The following MGMT variants were observed in gnomAD, a reference collection of about 807,000 sequenced individuals.
MGMT encodes the protein methylated-DNA--protein-cysteine methyltransferase.
In MGMT, 14 loss-of-function variants were observed where a neutral mutation model predicts 15.9. That is an observed-to-expected ratio of 0.88 (90% confidence interval 0.58 to 1.37). The LOEUF (loss-of-function observed/expected upper bound fraction) is 1.37, where lower values mean the gene tolerates loss of function less well. MGMT is among the 40% of genes most tolerant of loss of function. The pLI is 0.00. For synonymous variants in MGMT, 130 were observed against 118.2 expected (o/e 1.10, Z -0.65); for missense variants, 282 against 268.1 (o/e 1.05, Z -0.36).
intron 3 of MGMT, among the ~76,000 whole-genome samples, chr10:129,727,444 G>A (rs944047105): frequency 6.6e-6 from 1 of 152,214 alleles, no homozygotes; most frequent in Admixed American, 6.5e-5. Context: ...AGTGACAACT[G>A]CTGAGCCCGA....
Position 129,646,719 on chromosome 10 carries a change from A to AATATATATATATATAT in MGMT, c.126-61155_126-61140dup, listed in dbSNP as rs10543851. On this transcript the variant is annotated intron_variant, in intron 2 of 4. Coordinates refer to ENST00000651593, the MANE Select transcript of MGMT (RefSeq NM_002412.5). ...TTCCAGAAGCCTGCTGCCCATCAGA[A>AATATATATATATATAT]ATATATATATATATATATATATATA... Among the ~76,000 whole-genome samples, 69 of 81,634 alleles carry AATATATATATATATAT rather than the reference A, an allele frequency of 8.5e-4. 1 individual carries two copies. The highest frequency in any genetic ancestry group is 2.0e-3 in the African/African-American group (42 of 21,074). The allele number at this position is 81,634 out of a possible 152,430, so 53.6% of individuals were successfully genotyped here.
intron 2 of MGMT, among the ~76,000 whole-genome samples, chr10:129,676,666 T>G (rs1167312224): frequency 6.6e-6 from 1 of 152,136 alleles, no homozygotes; most frequent in African/African-American, 2.4e-5. Flanking sequence ...ATGGATTCTT[T>G]TAAATAAAAG....
intron 2 of MGMT, among the ~76,000 whole-genome samples, chr10:129,609,136 C>G (rs76764081): frequency 0.026 from 3,917 of 152,254 alleles, 80 homozygotes; most frequent in South Asian, 0.06. Context: ...AGTGATGGCA[C>G]AGGTGGACAT....
At chr10:129,634,138 T>G (rs943717507) in intron 2 of MGMT, among the ~76,000 whole-genome samples, 1 of 152,306 alleles carries the variant, frequency 6.6e-6, no homozygotes, top group Non-Finnish European at 1.5e-5. Flanking sequence ...ATTGACAGGG[T>G]TTTTTTCCTC....
intron 2 of MGMT, among the ~76,000 whole-genome samples, chr10:129,641,874 G>A (rs1290475848): frequency 6.6e-6 from 1 of 152,174 alleles, no homozygotes; most frequent in East Asian, 1.9e-4. Context: ...TGTATCTAAT[G>A]TAATGCTGAA....
At chr10:129,478,959 C>G (rs1845326532) in intron 1 of MGMT, among the ~76,000 whole-genome samples, 1 of 152,064 alleles carries the variant, frequency 6.6e-6, no homozygotes, top group South Asian at 2.1e-4. Context: ...TCATCTTATC[C>G]TGTAATTATT....
At chr10:129,586,394 GT>G (rs2133050571) in intron 2 of MGMT, among the ~76,000 whole-genome samples, 1 of 152,174 alleles carries the variant, frequency 6.6e-6, no homozygotes, top group East Asian at 1.9e-4. Flanking sequence ...TGCTGTCACT[GT>G]GCATTAGTTT....
At chr10:129,641,047 GAA>G (rs1488002277) in intron 2 of MGMT, among the ~76,000 whole-genome samples, 4 of 152,132 alleles carry the variant, frequency 2.6e-5, no homozygotes, top group South Asian at 2.1e-4. Context: ...TACATCAAGG[GAA>G]AAAATGATTT....
intron 1 of MGMT, among the ~76,000 whole-genome samples, chr10:129,481,360 G>A (rs150013051): frequency 1.8e-4 from 28 of 152,316 alleles, no homozygotes; most frequent in East Asian, 9.6e-4. Flanking sequence ...TGGATTTGAC[G>A]TGTGGATATG....
Position 129,502,768 on chromosome 10 carries a change from C to T in MGMT, c.-12-33473C>T, listed in dbSNP as rs531515264. On this transcript the variant is annotated intron_variant, in intron 1 of 4. Transcript: ENST00000651593. ...CAGGGGCTTCTCCCTTTATTCTTTT[C>T]CTTAAAATCAAGTTACATTTTTTTT... 5.9e-5 allele frequency among the ~76,000 whole-genome samples: 9 copies of T among 151,314 alleles called. No individual in the cohort carries two copies. The East Asian group carries it at 1.2e-3, about 20-fold the overall frequency.
chr10:129,581,334 C>T (rs921826492), intron 2 of MGMT, among the ~76,000 whole-genome samples: 1 of 152,168 alleles, frequency 6.6e-6, no homozygotes, highest in Non-Finnish European at 1.5e-5. Flanking sequence ...TTGGGGAGGG[C>T]TACTGACATG....
chr10:129,566,554 C>G lies in MGMT; in HGVS notation c.125+30177C>G, dbSNP rs1459005502. On this transcript the variant is annotated intron_variant, in intron 2 of 4. Transcript: ENST00000651593. The surrounding 1 kb of genome is among the most constrained non-coding windows in gnomAD (Gnocchi z 4.1). Reference sequence around the variant, plus strand: ...TTCCGTGTCTCTCTGGAGGGCCCATCATCATCCTGGTGGAGGTGTTGCACT... The same window carrying G: ...TTCCGTGTCTCTCTGGAGGGCCCATGATCATCCTGGTGGAGGTGTTGCACT... 1.3e-5 allele frequency among the ~76,000 whole-genome samples: 2 copies of G among 152,180 alleles called. No homozygotes were observed. Among genetic ancestry groups the G allele is most frequent in the Non-Finnish European group, 2.9e-5 (2 of 68,034 alleles).
At chr10:129,756,534 A>G (rs976053860) in intron 3 of MGMT, among the ~76,000 whole-genome samples, 26 of 152,176 alleles carry the variant, frequency 1.7e-4, no homozygotes, top group African/African-American at 6.3e-4. Flanking sequence ...CAGTGGCACA[A>G]TCTCAGATCA....
chr10:129,491,014 A>G (rs1031122051), intron 1 of MGMT, among the ~76,000 whole-genome samples: 2 of 152,160 alleles, frequency 1.3e-5, no homozygotes, highest in African/African-American at 4.8e-5. Context: ...AATTATATAT[A>G]CACATTTAAA....
intron 3 of MGMT, among the ~76,000 whole-genome samples, chr10:129,720,874 A>G (rs1233959186): frequency 6.6e-6 from 1 of 151,996 alleles, no homozygotes; most frequent in East Asian, 1.9e-4. Context: ...CTGAGAGCTC[A>G]GGGCATGGAC....
intron 3 of MGMT, among the ~76,000 whole-genome samples, chr10:129,721,711 AATTAT>A (rs1299320146): frequency 2.0e-5 from 3 of 152,196 alleles, no homozygotes; most frequent in Non-Finnish European, 2.9e-5. Flanking sequence ...GACTTTGATA[AATTAT>A]GAATGCATAT....
At chr10:129,599,876 A>T (rs759032855) in intron 2 of MGMT, among the ~76,000 whole-genome samples, 1 of 152,180 alleles carries the variant, frequency 6.6e-6, no homozygotes, top group Non-Finnish European at 1.5e-5. Flanking sequence ...TGCCCATCTG[A>T]TGCGGATCAA....
chr10:129,676,723 G>A (rs1847790194), intron 2 of MGMT, among the ~76,000 whole-genome samples: 1 of 152,038 alleles, frequency 6.6e-6, no homozygotes, highest in African/African-American at 2.4e-5. Flanking sequence ...ATGAGGAAAT[G>A]AAATTTTCTA....
At chr10:129,686,573 T>TCATGTTGGCCAGGG (rs11274405) in intron 2 of MGMT, among the ~76,000 whole-genome samples, 85,980 of 151,632 alleles carry the variant, frequency 0.57, 25,602 homozygotes, top group African/African-American at 0.75. Context: ...TGGGGTTTTC[T>TCATGTTGGCCAGGG]GCTGCTCTCA....
Sources: allele counts gnomAD v4.1 joint callset (sites outside exome capture counted in the v4.1 genomes callset), GRCh38; gene constraint gnomAD v4.1.1; non-coding constraint Gnocchi (gnomAD v3.1); transcripts MANE v1.5; gene names NCBI Gene and HGNC (gene_info 2026-07-23, HGNC 2026-07-21).